MECOM: variants seen among roughly 807,000 people sequenced by gnomAD.
The protein encoded by MECOM is MDS1 and EVI1 complex locus.
MECOM carries 13 observed loss-of-function variants against 116.3 expected under a neutral mutation model. The ratio of observed to expected loss-of-function variants is 0.11; its 90% CI spans 0.07 to 0.18. The LOEUF is 0.18. Ranked by LOEUF, MECOM falls within the 10% of genes least tolerant of loss-of-function variation. The pLI, the probability that MECOM is intolerant of heterozygous loss-of-function variation, is 1.00. For missense variants in MECOM, 1,299 were observed against 1,509.0 expected (o/e 0.86, Z 2.31); for synonymous variants, 528 against 535.2 (o/e 0.99, Z 0.19).
chr3:169,457,840 T>A (rs895514090), intron 1 of MECOM, among the ~76,000 whole-genome samples: 11 of 152,230 alleles, frequency 7.2e-5, no homozygotes, highest in African/African-American at 2.4e-4. Context: ...AGCAAATGTG[T>A]CTGTATTGTT....
intron 1 of MECOM, among the ~76,000 whole-genome samples, chr3:169,461,855 T>C (rs1377974087): frequency 2.6e-5 from 4 of 152,228 alleles, no homozygotes; most frequent in South Asian, 2.1e-4. Context: ...TACAGACCAA[T>C]GGGAGCAGTA....
intron 2 of MECOM, among the ~76,000 whole-genome samples, chr3:169,262,047 T>A (rs2149615192): frequency 6.6e-6 from 1 of 152,314 alleles, no homozygotes; most frequent in Middle Eastern, 3.4e-3. Context: ...GTCTACCCTG[T>A]GCCACGCCCC....
intron 9 of MECOM, among the ~76,000 whole-genome samples, chr3:169,108,298 C>T (rs532503896): frequency 2.0e-5 from 3 of 152,038 alleles, no homozygotes; most frequent in African/African-American, 7.2e-5. Context: ...AAAAATTAGG[C>T]CATTTCCTGT....
At chr3:169,100,810 T>C (rs1198178938) in intron 12 of MECOM, 75 bp downstream of exon 12, 47 of 816,718 alleles carry the variant, frequency 5.8e-5, no homozygotes, top group Non-Finnish European at 7.4e-5. Context: ...AAACTTTAAT[T>C]ATTATTTTAT....
At chr3:169,137,354 GA>G (rs1736677307) in intron 3 of MECOM, among the ~76,000 whole-genome samples, 2 of 152,048 alleles carry the variant, frequency 1.3e-5, no homozygotes. Flanking sequence ...AGTAATGTGG[GA>G]AACTCCAATT....
chr3:169,460,752 A>G (rs1476067223), intron 1 of MECOM, among the ~76,000 whole-genome samples: 1 of 152,210 alleles, frequency 6.6e-6, no homozygotes, highest in East Asian at 1.9e-4. Flanking sequence ...AGCCCTGTCC[A>G]TTACAGGTTC....
At chr3:169,547,673 T>C (rs1213705770) in intron 1 of MECOM, among the ~76,000 whole-genome samples, 9 of 152,196 alleles carry the variant, frequency 5.9e-5, no homozygotes, top group Admixed American at 2.6e-4. Context: ...TTTGGAAATA[T>C]AATCTTTGCC....
intron 2 of MECOM, among the ~76,000 whole-genome samples, chr3:169,283,744 A>G (rs1444995930): frequency 6.6e-6 from 1 of 152,206 alleles, no homozygotes; most frequent in African/African-American, 2.4e-5. Flanking sequence ...ATTCATTGAA[A>G]AAGGAAATGG....
chr3:169,148,751 A>G (rs73167972), intron 2 of MECOM, among the ~76,000 whole-genome samples: 8,348 of 152,288 alleles, frequency 0.055, 319 homozygotes, highest in South Asian at 0.13. Flanking sequence ...TAAATCCAGT[A>G]GAACTATATT....
At chr3:169,526,940 A>T (rs1243808031) in intron 1 of MECOM, among the ~76,000 whole-genome samples, 7 of 152,204 alleles carry the variant, frequency 4.6e-5, no homozygotes, top group Admixed American at 4.6e-4. Flanking sequence ...AATGTTGGTG[A>T]TCCTAAAACA....
chr3:169,315,959 G>T (rs774562832), intron 2 of MECOM, among the ~76,000 whole-genome samples: 37 of 152,070 alleles, frequency 2.4e-4, no homozygotes, highest in Non-Finnish European at 4.3e-4. Context: ...TAACAATAAA[G>T]TTATTTGTTC....
At chr3:169,344,057 T>G (rs1309529690) in intron 2 of MECOM, among the ~76,000 whole-genome samples, 2 of 152,148 alleles carry the variant, frequency 1.3e-5, no homozygotes. Context: ...TGATAAATAT[T>G]ATAAATATTA....
intron 1 of MECOM, among the ~76,000 whole-genome samples, chr3:169,553,532 GCTAATCA>G (rs1453210733): frequency 6.6e-6 from 1 of 152,208 alleles, no homozygotes; most frequent in Non-Finnish European, 1.5e-5. Flanking sequence ...GGGACTGCTA[GCTAATCA>G]CTAAGTCAGT....
chr3:169,532,388 T>C (rs916571355), intron 1 of MECOM, among the ~76,000 whole-genome samples: 5 of 152,168 alleles, frequency 3.3e-5, no homozygotes, highest in African/African-American at 1.2e-4. Context: ...TAACCTAGAA[T>C]GGTGATGCTA....
At chr3:169,536,291 A>G (rs1290065840) in intron 1 of MECOM, among the ~76,000 whole-genome samples, 1 of 150,754 alleles carries the variant, frequency 6.6e-6, no homozygotes, top group Non-Finnish European at 1.5e-5. Flanking sequence ...TAGGATTAGG[A>G]CCATATCTGG....
chr3:169,447,213 G>A (rs549508876), intron 1 of MECOM, among the ~76,000 whole-genome samples: 1 of 152,266 alleles, frequency 6.6e-6, no homozygotes, highest in African/African-American at 2.4e-5. Context: ...GAAGAATTAA[G>A]TCTTATTGGT....
At chr3:169,472,533 A>AAAAGGAAAGGAAAGG (rs1553863165) in intron 1 of MECOM, among the ~76,000 whole-genome samples, 22 of 85,162 alleles carry the variant, frequency 2.6e-4, no homozygotes, top group South Asian at 7.3e-4. Context: ...AAAAGAAAAG[A>AAAAGGAAAGGAAAGG]AAAGGAAAGG....
chr3:169,634,436 A>G (rs547817515), intron 1 of MECOM, among the ~76,000 whole-genome samples: 28 of 152,262 alleles, frequency 1.8e-4, no homozygotes, highest in Admixed American at 1.6e-3. Context: ...TTAAACCCAC[A>G]CCCTGTCTTA....
chr3:169,166,227 G>A (rs1482939545), intron 2 of MECOM, among the ~76,000 whole-genome samples: 1 of 152,086 alleles, frequency 6.6e-6, no homozygotes, highest in Non-Finnish European at 1.5e-5. Flanking sequence ...TTTATTGTGT[G>A]GTGGCTGTAG....
Sources: allele counts gnomAD v4.1 joint callset (sites outside exome capture counted in the v4.1 genomes callset), GRCh38; gene constraint gnomAD v4.1.1; transcripts MANE v1.5; gene names NCBI Gene and HGNC (gene_info 2026-07-23, HGNC 2026-07-21).